The following ATP1A2 variants were observed in gnomAD, a reference collection of about 807,000 sequenced individuals.
ATP1A2 encodes the protein sodium/potassium-transporting ATPase subunit alpha-2.
A neutral mutation model predicts 113.1 loss-of-function variants in ATP1A2; 56 were observed. The observed-to-expected ratio is 0.49, with a 90% CI of 0.40 to 0.62. The LOEUF (loss-of-function observed/expected upper bound fraction) is 0.62, where lower values mean the gene tolerates loss of function less well. Among genes scored for constraint, ATP1A2 ranks in the 20% least tolerant of loss-of-function variants. The probability of loss-of-function intolerance (pLI) is 0.00; values close to 1 mark genes in which losing one functional copy is unlikely to be tolerated. For missense variants in ATP1A2, 712 were observed against 1,357.8 expected, an observed-to-expected ratio of 0.52 and a Z score of 7.47; for synonymous variants, 490 against 526.8, an observed-to-expected ratio of 0.93 and a Z score of 0.96.
At chr1:160,126,736 G>A (rs1042923789) in intron 7 of ATP1A2, among the ~76,000 whole-genome samples, 2 of 152,142 alleles carry the variant, frequency 1.3e-5, no homozygotes, top group African/African-American at 2.4e-5. Context: ...CTCCCAAAGT[G>A]CTGGGATTAC....
intron 6 of ATP1A2, among the ~76,000 whole-genome samples, chr1:160,124,928 G>A (rs1420463697): frequency 4.6e-5 from 7 of 152,258 alleles, no homozygotes; most frequent in South Asian, 4.1e-4. Flanking sequence ...CAAGTAACCC[G>A]AGGTCACATA....
At chr1:160,140,333 G>A (rs1478383790) in intron 22 of ATP1A2, among the ~76,000 whole-genome samples, 9 of 115,088 alleles carry the variant, frequency 7.8e-5, no homozygotes, top group South Asian at 2.6e-4. Flanking sequence ...GTTCAGGGTC[G>A]TAAAGCAAAG....
At chr1:160,132,228 G>A (rs1163226445) in intron 13 of ATP1A2, among the ~76,000 whole-genome samples, 3 of 152,298 alleles carry the variant, frequency 2.0e-5, no homozygotes, top group Non-Finnish European at 4.4e-5. Flanking sequence ...GGGGTTGGCA[G>A]GGGAGAGGTG....
intron 22 of ATP1A2, among the ~76,000 whole-genome samples, chr1:160,140,396 G>A (rs748413047): frequency 2.6e-5 from 4 of 152,204 alleles, no homozygotes; most frequent in South Asian, 2.1e-4. Context: ...CTCATCAACC[G>A]ACAAGTTATT....
rs552879832 is a variant in ATP1A2, at chr1:160,130,125, C to T, written c.1485C>T (p.Asp495=). The part of the protein sequence containing the change: ...KYQLSIHERE[D]SPQSHVLVMK... ...AGCTGTCTATCCACGAGCGAGAAGACAGCCCCCAGAGCCACGTGCTGGTGA... is the reference window on the plus strand; with the variant it reads ...AGCTGTCTATCCACGAGCGAGAAGATAGCCCCCAGAGCCACGTGCTGGTGA... The change falls in exon 12 of 23, where the codon GAC becomes GAT. Residue 495 remains aspartate, a synonymous_variant. Transcript: ENST00000361216. The T allele has an allele frequency of 6.2e-7, 1 of 1,614,238 alleles. No homozygotes were observed. The highest frequency in any genetic ancestry group is 1.3e-5 in the African/African-American group (1 of 75,054).
Position 160,124,344 on chromosome 1 carries a change from G to A in ATP1A2, c.544G>A (p.Glu182Lys). 1.2e-6 allele frequency: 2 copies of A among 1,612,434 alleles called. No homozygotes were observed. Among genetic ancestry groups the A allele is most frequent in the Non-Finnish European group, 1.7e-6 (2 of 1,179,352 alleles). ...EGEKMQINAE[E>K]VVVGDLVEVK... Reference sequence around the variant, plus strand: ...AGAGAAGATGCAGATCAACGCAGAGGAAGTGGTGGTGGGAGACCTGGTGGA... The same window carrying A: ...AGAGAAGATGCAGATCAACGCAGAGAAAGTGGTGGTGGGAGACCTGGTGGA... The change falls in exon 6 of 23, where the codon GAA becomes AAA. Residue 182 changes from glutamate to lysine, a missense_variant. This residue lies in a region of ATP1A2 where 99 missense variants were observed against 180.4 expected (regional missense o/e 0.55). Coordinates refer to ENST00000361216, the MANE Select transcript of ATP1A2 (RefSeq NM_000702.4).
At position 160,135,291 on chromosome 1, in the gene ATP1A2, G is replaced by A. The variant is rs2101994868; in HGVS notation, c.2111G>A (p.Arg704Lys). The change falls in exon 15 of 23, where the codon AGG becomes AAG. Residue 704 changes from arginine to lysine, a missense_variant. By Grantham distance (26) the Arg-to-Lys change is conservative (BLOSUM62 2). This residue lies in a region of ATP1A2 where 188 missense variants were observed against 438.9 expected (regional missense o/e 0.43). Coordinates refer to ENST00000361216, the MANE Select transcript of ATP1A2 (RefSeq NM_000702.4). This position sits in a 1 kb window ranked among gnomAD's most constrained non-coding sequence, Gnocchi z 6.3. ...CTCATCATTGTGGAGGGATGTCAGAGGCAGGTGAGCACAGCCACGGGAGGC... is the reference window on the plus strand; with the variant it reads ...CTCATCATTGTGGAGGGATGTCAGAAGCAGGTGAGCACAGCCACGGGAGGC... ...QKLIIVEGCQRQGAIVAVTGD... is the reference protein window; with the variant it reads ...QKLIIVEGCQKQGAIVAVTGD... 1.9e-6 allele frequency: 3 copies of A among 1,614,188 alleles called. No homozygotes were observed. Among genetic ancestry groups the A allele is most frequent in the Non-Finnish European group, 2.5e-6 (3 of 1,180,028 alleles).
intron 1 of ATP1A2, among the ~76,000 whole-genome samples, chr1:160,118,189 G>A (rs1218249687): frequency 1.3e-5 from 2 of 152,256 alleles, no homozygotes; most frequent in African/African-American, 4.8e-5. Flanking sequence ...GCATGCCAAA[G>A]TGCATGGACC....
intron 6 of ATP1A2, 76 bp downstream of exon 6, chr1:160,124,506 G>A (rs1367048666): frequency 3.9e-6 from 6 of 1,551,050 alleles, no homozygotes; most frequent in Non-Finnish European, 5.2e-6. Context: ...GGCCCAGTGA[G>A]GTTTAAAGGT....
intron 1 of ATP1A2, among the ~76,000 whole-genome samples, chr1:160,118,829 G>A (rs1031682189): frequency 9.9e-5 from 15 of 151,998 alleles, no homozygotes; most frequent in Admixed American, 3.9e-4. Flanking sequence ...TGCTGAATTG[G>A]CGACCTCTTA....
In ATP1A2 at chr1:160,137,003, C is replaced by T. The variant is rs2101996571; in HGVS notation, c.2812C>T (p.Arg938Cys). The change falls in exon 20 of 23, where the codon CGC becomes TGC. Residue 938 changes from arginine (R) to cysteine (C), a missense_variant. By Grantham distance (180) the Arg-to-Cys change is radical. Transcript: ENST00000361216. ...WADLIICKTR[R>C]NSVFQQGMKN... Reference sequence around the variant, plus strand: ...TGACCTCATCATCTGCAAGACCCGCCGCAACTCAGTCTTCCAGCAGGGCAT... The same window carrying T: ...TGACCTCATCATCTGCAAGACCCGCTGCAACTCAGTCTTCCAGCAGGGCAT... 2 of 1,614,174 alleles carry T rather than the reference C, an allele frequency of 1.2e-6. No individual in the cohort carries two copies. Among genetic ancestry groups the T allele is most frequent in the Non-Finnish European group, 1.7e-6 (2 of 1,180,046 alleles).
rs2102000719 is a variant in ATP1A2, at chr1:160,142,099, A to T, written c.*777A>T. ...AGGGTAGCAGCAGAGGCAGGACCAGAAGGCAATCAAGAGCTTCCAGAAATG... is the reference window on the plus strand; with the variant it reads ...AGGGTAGCAGCAGAGGCAGGACCAGTAGGCAATCAAGAGCTTCCAGAAATG... On this transcript the variant is annotated 3_prime_UTR_variant, in exon 23 of 23. Coordinates refer to ENST00000361216, the MANE Select transcript of ATP1A2 (RefSeq NM_000702.4). The T allele has an allele frequency of 6.5e-6, 1 of 152,858 alleles. No individual in the cohort carries two copies. The highest frequency in any genetic ancestry group is 3.4e-3 in the Middle Eastern group (1 of 294). The allele number at this position is 152,858 out of a possible 1,614,324, so 9.5% of individuals were successfully genotyped here.
intron 3 of ATP1A2, among the ~76,000 whole-genome samples, chr1:160,121,473 C>A (rs1651396210): frequency 6.6e-6 from 1 of 152,170 alleles, no homozygotes; most frequent in Non-Finnish European, 1.5e-5. Context: ...CCCTGTATAC[C>A]CTAGAAGCCA....
rs1651477348 is a variant in ATP1A2 at position 160,123,264 on chromosome 1, G to A, written c.229G>A (p.Ala77Thr). The A allele has an allele frequency of 1.2e-6, 2 of 1,614,174 alleles. No homozygotes were observed. Among genetic ancestry groups the A allele is most frequent in the Non-Finnish European group, 1.7e-6 (2 of 1,180,032 alleles). ...CGTTCTGGCTCGAGATGGGCCCAAC[G>A]CCCTCACACCACCTCCCACAACCCC... is the stretch of plus-strand genomic sequence containing the variant. ...QDVLARDGPN[A>T]LTPPPTTPEW... Residue 77 changes from alanine to threonine, a missense_variant, in exon 4 of 23, where the codon GCC becomes ACC. Ala to Thr is a moderately conservative substitution (Grantham distance 58, BLOSUM62 0). Coordinates refer to ENST00000361216, the MANE Select transcript of ATP1A2 (RefSeq NM_000702.4).
intron 1 of ATP1A2, among the ~76,000 whole-genome samples, chr1:160,119,279 A>AAAAAG (rs1651295784): frequency 6.9e-6 from 1 of 144,042 alleles, no homozygotes; most frequent in Non-Finnish European, 1.5e-5. Flanking sequence ...AAAAAAAAAA[A>AAAAAG]AAAAGCAAAC....
chr1:160,137,477 G>A (rs1651993775), intron 20 of ATP1A2, among the ~76,000 whole-genome samples: 2 of 152,228 alleles, frequency 1.3e-5, no homozygotes, highest in African/African-American at 4.8e-5. Context: ...GCCAGGCACT[G>A]TGCTAAGTGC....
chr1:160,138,087 G>C (rs986343282), intron 20 of ATP1A2, among the ~76,000 whole-genome samples: 7 of 152,362 alleles, frequency 4.6e-5, no homozygotes, highest in African/African-American at 1.7e-4. Flanking sequence ...CATAGTGGCT[G>C]CATCCAGCCC....
At position 160,136,258 on chromosome 1, in the gene ATP1A2, C is replaced by A. The variant is rs777108211; in HGVS notation, c.2451C>A (p.Ile817=). ...IDLGTDMVPA[I]SLAYEAAESD... Reference sequence around the variant, plus strand: ...CCTACCCCACACAGGTCCCTGCCATCTCCTTGGCCTATGAGGCAGCTGAGA... The same window carrying A: ...CCTACCCCACACAGGTCCCTGCCATATCCTTGGCCTATGAGGCAGCTGAGA... The change falls in exon 18 of 23, where the codon ATC becomes ATA. Residue 817 remains isoleucine (I), a synonymous_variant. Transcript: ENST00000361216. The A allele has an allele frequency of 6.2e-7, 1 of 1,614,188 alleles. No individual in the cohort carries two copies. The highest frequency in any genetic ancestry group is 8.5e-7 in the Non-Finnish European group (1 of 1,180,036).
At chr1:160,136,225 C>A (rs2101995787) in intron 17 of ATP1A2, 22 bp from the exon 18 acceptor site, 1 of 1,614,100 alleles carries the variant, frequency 6.2e-7, no homozygotes, top group Non-Finnish European at 8.5e-7. Flanking sequence ...GCCCTCCCTG[C>A]CCCATTTCCT....
Sources: gnomAD v4.1 joint callset for allele counts (sites outside exome capture counted in the v4.1 genomes callset) on GRCh38, gnomAD v4.1.1 for gene constraint, gnomAD v4.1.1 regional missense constraint, Gnocchi (gnomAD v3.1) non-coding constraint, MANE v1.5 for transcripts, NCBI Gene and HGNC (gene_info 2026-07-23, HGNC 2026-07-21) for gene names.